The following PDZRN4 variants were observed in gnomAD, a reference collection of about 807,000 sequenced individuals.
PDZRN4 encodes PDZ domain containing ring finger 4, also known as PDZ domain-containing RING finger protein 4.
Under a neutral mutation model 99.0 loss-of-function variants are expected in PDZRN4, and 70 were observed. The ratio of observed to expected loss-of-function variants is 0.71; its 90% CI spans 0.58 to 0.86. The LOEUF (loss-of-function observed/expected upper bound fraction) is 0.86. Ranked by LOEUF, PDZRN4 falls within the 40% of genes least tolerant of loss-of-function variation. PDZRN4 has a pLI of 0.00. For synonymous variants in PDZRN4, 551 were observed against 501.6 expected (o/e 1.10, Z -1.32); for missense variants, 1,474 against 1,331.2 (o/e 1.11, Z -1.67).
intron 5 of PDZRN4, among the ~76,000 whole-genome samples, chr12:41,549,192 C>T (rs189567665): frequency 2.4e-4 from 36 of 152,230 alleles, no homozygotes; most frequent in Non-Finnish European, 4.3e-4. Flanking sequence ...TAGCATTTCA[C>T]TTTTATGTGT....
At position 41,567,904 on chromosome 12, in the gene PDZRN4, G is replaced by C. The variant is rs1475192073; in HGVS notation, c.1584+5G>C. The C allele has an allele frequency of 6.5e-7, 1 of 1,534,828 alleles. No individual in the cohort carries two copies. The highest frequency in any genetic ancestry group is 2.3e-5 in the East Asian group (1 of 44,076). On this transcript the variant is annotated splice_donor_5th_base_variant and intron_variant, in intron 9 of 9. Coordinates refer to ENST00000402685, the MANE Select transcript of PDZRN4 (RefSeq NM_001164595.2). The stretch of plus-strand genomic sequence containing the variant: ...ACTGCCAATGAGGTGGAGCAGGTAG[G>C]GCCAACAATTTGAACTACATCATTT...
chr12:41,358,148 C>T (rs1377234959), intron 3 of PDZRN4, among the ~76,000 whole-genome samples: 2 of 151,820 alleles, frequency 1.3e-5, no homozygotes, highest in African/African-American at 2.4e-5. Flanking sequence ...AAGCTTGTTC[C>T]CTTAGTAGGA....
Position 41,509,851 on chromosome 12 carries a change from G to C in PDZRN4, c.1141G>C (p.Asp381His). Reference sequence around the variant, plus strand: ...TCCAATGGAGCATGAATTTTATGAGGACAATGAGTATATTTCCAGCTTGCC... The same window carrying C: ...TCCAATGGAGCATGAATTTTATGAGCACAATGAGTATATTTCCAGCTTGCC... The part of the protein sequence containing the change: ...LHPMEHEFYE[D>H]NEYISSLPAD... Residue 381 changes from aspartate (D) to histidine (H), a missense_variant, in exon 5 of 10, where the codon GAC becomes CAC. Coordinates refer to ENST00000402685, the MANE Select transcript of PDZRN4 (RefSeq NM_001164595.2). 6.2e-7 allele frequency: 1 copy of C among 1,602,214 alleles called. No homozygotes were observed. Among genetic ancestry groups the C allele is most frequent in the Admixed American group, 1.7e-5 (1 of 58,540 alleles).
At chr12:41,362,736 A>G (rs781480052) in intron 3 of PDZRN4, among the ~76,000 whole-genome samples, 161 of 152,198 alleles carry the variant, frequency 1.1e-3, no homozygotes, top group Non-Finnish European at 1.8e-3. Flanking sequence ...AGCAGCTGCT[A>G]TGGAACAAGA....
At chr12:41,557,998 T>C (rs1375799656) in intron 7 of PDZRN4, among the ~76,000 whole-genome samples, 6 of 152,186 alleles carry the variant, frequency 3.9e-5, no homozygotes, top group Admixed American at 2.6e-4. Context: ...AATGATAGGG[T>C]AGATGAGTAA....
At chr12:41,360,467 T>G (rs1267331000) in intron 3 of PDZRN4, among the ~76,000 whole-genome samples, 1 of 152,024 alleles carries the variant, frequency 6.6e-6, no homozygotes, top group Non-Finnish European at 1.5e-5. Context: ...CTCCCAGACA[T>G]TCAGTTCCAG....
chr12:41,440,618 G>A (rs1447804050), intron 3 of PDZRN4, among the ~76,000 whole-genome samples: 2 of 152,090 alleles, frequency 1.3e-5, no homozygotes. Flanking sequence ...ACAAGAGATG[G>A]AATGTCACCT....
At chr12:41,351,856 G>T (rs1208685826) in intron 3 of PDZRN4, among the ~76,000 whole-genome samples, 1 of 151,858 alleles carries the variant, frequency 6.6e-6, no homozygotes, top group Non-Finnish European at 1.5e-5. Flanking sequence ...AAAATCTCAG[G>T]AGAATAAACT....
chr12:41,548,084 T>G (rs1938988573), intron 5 of PDZRN4, among the ~76,000 whole-genome samples: 2 of 152,262 alleles, frequency 1.3e-5, no homozygotes, highest in South Asian at 4.1e-4. Flanking sequence ...CCCTTATGTC[T>G]CTACAGAAAT....
At chr12:41,366,744 C>T (rs1356507006) in intron 3 of PDZRN4, among the ~76,000 whole-genome samples, 2 of 152,048 alleles carry the variant, frequency 1.3e-5, no homozygotes, top group Non-Finnish European at 2.9e-5. Context: ...GCATTTACTA[C>T]CATAAGAAAA....
At chr12:41,194,982 T>C (rs1950762006) in intron 3 of PDZRN4, among the ~76,000 whole-genome samples, 2 of 152,206 alleles carry the variant, frequency 1.3e-5, no homozygotes, top group South Asian at 4.1e-4. Flanking sequence ...GTTCCTGTCA[T>C]TATCTTTTAT....
chr12:41,429,335 T>C (rs1379079146), intron 3 of PDZRN4, among the ~76,000 whole-genome samples: 1 of 152,232 alleles, frequency 6.6e-6, no homozygotes, highest in East Asian at 1.9e-4. Flanking sequence ...TATCAGTACA[T>C]ATTCAATGCA....
At chr12:41,522,660 A>G (rs540464125) in intron 5 of PDZRN4, among the ~76,000 whole-genome samples, 231 of 152,276 alleles carry the variant, frequency 1.5e-3, no homozygotes, top group African/African-American at 5.4e-3. Flanking sequence ...AAAGAAAGCC[A>G]TACGTTCTCT....
chr12:41,408,663 C>CA (rs1400650021), intron 3 of PDZRN4, among the ~76,000 whole-genome samples: 1 of 152,008 alleles, frequency 6.6e-6, no homozygotes, highest in East Asian at 1.9e-4. Flanking sequence ...TTCCAAAAAA[C>CA]AATATGATGT....
At chr12:41,397,068 A>ATT (rs1428848303) in intron 3 of PDZRN4, among the ~76,000 whole-genome samples, 1 of 152,156 alleles carries the variant, frequency 6.6e-6, no homozygotes, top group East Asian at 1.9e-4. Flanking sequence ...CATAAAATAC[A>ATT]TTTTTAAGTG....
chr12:41,210,623 T>G (rs1166274916), intron 3 of PDZRN4, among the ~76,000 whole-genome samples: 2 of 151,982 alleles, frequency 1.3e-5, no homozygotes, highest in African/African-American at 4.8e-5. Context: ...TGTACAGTTA[T>G]TGAAAAATGA....
At chr12:41,469,781 T>C (rs573407669) in intron 3 of PDZRN4, among the ~76,000 whole-genome samples, 1 of 151,938 alleles carries the variant, frequency 6.6e-6, no homozygotes, top group South Asian at 2.1e-4. Context: ...AATACAAAAA[T>C]TAGCCGGGCG....
intron 3 of PDZRN4, among the ~76,000 whole-genome samples, chr12:41,480,641 C>G (rs1008387916): frequency 6.6e-6 from 1 of 151,976 alleles, no homozygotes; most frequent in Non-Finnish European, 1.5e-5. Context: ...TAATTTTTTC[C>G]CAATATCAGG....
At chr12:41,382,549 C>G (rs2093179747) in intron 3 of PDZRN4, among the ~76,000 whole-genome samples, 1 of 152,168 alleles carries the variant, frequency 6.6e-6, no homozygotes. Context: ...GCAAAGTAGG[C>G]TTAGCCCTTA....
Sources: allele counts gnomAD v4.1 joint callset (sites outside exome capture counted in the v4.1 genomes callset), GRCh38; gene constraint gnomAD v4.1.1; transcripts MANE v1.5; gene names NCBI Gene and HGNC (gene_info 2026-07-23, HGNC 2026-07-21).